Variants in CTNNA3 observed in about 807,000 individuals in gnomAD.
CTNNA3 encodes catenin alpha 3, also known as catenin alpha-3.
In CTNNA3, 76 loss-of-function variants were observed where a neutral mutation model predicts 95.7. The observed-to-expected ratio is 0.79, with a 90% CI of 0.66 to 0.96. The LOEUF (loss-of-function observed/expected upper bound fraction) is 0.96. CTNNA3 is among the 40% of genes least tolerant of loss of function. The pLI, the probability that CTNNA3 is intolerant of heterozygous loss-of-function variation, is 0.00. For synonymous variants in CTNNA3, 431 were observed against 374.4 expected, an observed-to-expected ratio of 1.15 and a Z score of -1.74; for missense variants, 1,191 against 1,089.8, an observed-to-expected ratio of 1.09 and a Z score of -1.31.
At chr10:67,321,295 CAGAA>C (rs1382772825) in intron 5 of CTNNA3, among the ~76,000 whole-genome samples, 1 of 152,180 alleles carries the variant, frequency 6.6e-6, no homozygotes, top group Non-Finnish European at 1.5e-5. Context: ...ATTAAAGATG[CAGAA>C]AGAAACATTC....
intron 9 of CTNNA3, among the ~76,000 whole-genome samples, chr10:66,708,603 A>C (rs1848194347): frequency 6.6e-6 from 1 of 152,034 alleles, no homozygotes; most frequent in Non-Finnish European, 1.5e-5. Context: ...GAGGAGGAGG[A>C]AGGAAGAGAT....
intron 5 of CTNNA3, among the ~76,000 whole-genome samples, chr10:67,234,655 C>G (rs530858915): frequency 7.4e-4 from 113 of 151,812 alleles, no homozygotes; most frequent in South Asian, 2.1e-3. Context: ...GTTGGAAGTT[C>G]TGGCCAGGGC....
intron 15 of CTNNA3, among the ~76,000 whole-genome samples, chr10:65,990,066 TTGTGTGTAG>T (rs1254063544): frequency 0.15 from 443 of 2,956 alleles, 2 homozygotes; most frequent in Middle Eastern, 0.5. Flanking sequence ...GTGTTTCATT[TTGTGTGTAG>T]TGTGTGTGTG....
At chr10:66,263,908 C>T (rs1354694609) in intron 13 of CTNNA3, among the ~76,000 whole-genome samples, 1 of 151,818 alleles carries the variant, frequency 6.6e-6, no homozygotes, top group African/African-American at 2.4e-5. Flanking sequence ...AATACACTTG[C>T]CTTAGTTTCT....
At chr10:66,201,299 A>T (rs1053399109) in intron 13 of CTNNA3, among the ~76,000 whole-genome samples, 1 of 151,958 alleles carries the variant, frequency 6.6e-6, no homozygotes, top group Non-Finnish European at 1.5e-5. Flanking sequence ...CATCATTCCC[A>T]ATGTTTGCTG....
intron 7 of CTNNA3, among the ~76,000 whole-genome samples, chr10:66,960,644 A>T (rs1349980699): frequency 6.6e-6 from 1 of 152,218 alleles, no homozygotes; most frequent in Non-Finnish European, 1.5e-5. Flanking sequence ...CATCTTTGAC[A>T]TTCTGAAAGA....
chr10:67,368,290 A>G (rs1232227706), intron 5 of CTNNA3, among the ~76,000 whole-genome samples: 1 of 152,202 alleles, frequency 6.6e-6, no homozygotes, highest in Non-Finnish European at 1.5e-5. Context: ...AGGAAATAGA[A>G]GTTAAAACCA....
At chr10:66,145,978 C>T (rs2083865974) in intron 13 of CTNNA3, among the ~76,000 whole-genome samples, 1 of 151,996 alleles carries the variant, frequency 6.6e-6, no homozygotes, top group African/African-American at 2.4e-5. Context: ...CTCAGCCTCC[C>T]GAGTAGCTGG....
At chr10:67,577,852 A>C (rs1401733071) in intron 3 of CTNNA3, among the ~76,000 whole-genome samples, 1 of 150,922 alleles carries the variant, frequency 6.6e-6, no homozygotes, top group Non-Finnish European at 1.5e-5. Flanking sequence ...TATTGGCTTC[A>C]TTTGGGTAGA....
At chr10:66,208,780 C>A (rs552050393) in intron 13 of CTNNA3, among the ~76,000 whole-genome samples, 2 of 151,978 alleles carry the variant, frequency 1.3e-5, no homozygotes, top group South Asian at 4.2e-4. Context: ...AGCCCTCAGC[C>A]GCAGATATAC....
intron 3 of CTNNA3, among the ~76,000 whole-genome samples, chr10:67,557,355 T>C (rs1841296056): frequency 1.3e-5 from 2 of 152,210 alleles, no homozygotes; most frequent in South Asian, 2.1e-4. Context: ...AAAGGATAGA[T>C]GAATCTGATG....
chr10:66,089,630 A>G (rs1589371613), intron 14 of CTNNA3, among the ~76,000 whole-genome samples: 1 of 152,072 alleles, frequency 6.6e-6, no homozygotes, highest in East Asian at 1.9e-4. Context: ...TTAATAGAAC[A>G]GACCATGTGT....
intron 13 of CTNNA3, among the ~76,000 whole-genome samples, chr10:66,240,807 A>C (rs553005632): frequency 6.6e-6 from 1 of 152,210 alleles, no homozygotes; most frequent in African/African-American, 2.4e-5. Context: ...ATGTAAACAA[A>C]GAACAGTGGT....
At chr10:66,397,169 T>C (rs1257109956) in intron 11 of CTNNA3, among the ~76,000 whole-genome samples, 1 of 151,710 alleles carries the variant, frequency 6.6e-6, no homozygotes, top group East Asian at 1.9e-4. Context: ...GTAGTTTTTA[T>C]TTTTTAAAGC....
intron 15 of CTNNA3, among the ~76,000 whole-genome samples, chr10:66,050,957 G>A (rs942354352): frequency 6.6e-6 from 1 of 152,022 alleles, no homozygotes; most frequent in South Asian, 2.1e-4. Flanking sequence ...GGGCTCAAGT[G>A]ATCCTCTCGC....
Position 66,753,623 on chromosome 10 carries a change from T to C in CTNNA3, c.1281+12641A>G, listed in dbSNP as rs193011301. On this transcript the variant is annotated intron_variant, in intron 9 of 17. Transcript: ENST00000433211. ...GTTTCAGTGAGCCGAGATTGCACCA[T>C]TGCACTCTAGCCTCGGCAAAAAGAA... 1.5e-4 allele frequency among the ~76,000 whole-genome samples: 23 copies of C among 151,186 alleles called. No homozygotes were observed. In the East Asian group the frequency reaches 3.9e-3, roughly 26 times the overall value.
chr10:66,388,434 C>T (rs940710066), intron 11 of CTNNA3, among the ~76,000 whole-genome samples: 6 of 152,032 alleles, frequency 3.9e-5, no homozygotes, highest in African/African-American at 1.4e-4. Context: ...TGAGTAGTCA[C>T]CTCTTCTGTA....
intron 7 of CTNNA3, among the ~76,000 whole-genome samples, chr10:66,795,136 G>C (rs1052036917): frequency 1.3e-5 from 2 of 152,086 alleles, no homozygotes; most frequent in Admixed American, 1.3e-4. Flanking sequence ...AATCATGAAT[G>C]TTCTTAATGG....
At chr10:67,265,644 G>A (rs1187613287) in intron 5 of CTNNA3, among the ~76,000 whole-genome samples, 1 of 152,020 alleles carries the variant, frequency 6.6e-6, no homozygotes, top group Non-Finnish European at 1.5e-5. Context: ...TTTTCCATGG[G>A]ATAAATTTAA....
Sources: gnomAD v4.1 joint callset for allele counts (sites outside exome capture counted in the v4.1 genomes callset) on GRCh38, gnomAD v4.1.1 for gene constraint, MANE v1.5 for transcripts, NCBI Gene and HGNC (gene_info 2026-07-23, HGNC 2026-07-21) for gene names.